Variants in TRIM74 observed in about 807,000 individuals in gnomAD.
TRIM74 encodes tripartite motif-containing protein 74.
A neutral mutation model predicts 14.5 loss-of-function variants in TRIM74; 3 were observed. That is an observed-to-expected ratio of 0.21 (90% CI 0.09 to 0.53). TRIM74 has a LOEUF of 0.53. TRIM74 is among the 20% of genes least tolerant of loss of function. The pLI is 0.95. For missense variants in TRIM74, 26 were observed against 174.0 expected, an observed-to-expected ratio of 0.15 and a Z score of 4.79; for synonymous variants, 10 against 71.3, an observed-to-expected ratio of 0.14 and a Z score of 4.33.
At chr7:72,962,701 A>G (rs1251401196) in intron 2 of TRIM74, among the ~76,000 whole-genome samples, 9 of 138,320 alleles carry the variant, frequency 6.5e-5, no homozygotes, top group South Asian at 4.7e-4. Context: ...AAAAAAAAAG[A>G]GAATATTCTG....
chr7:72,960,051 G>A lies in TRIM74; in HGVS notation c.696C>T (p.Phe232=), dbSNP rs375247896. 15 of 1,611,464 alleles carry A rather than the reference G, an allele frequency of 9.3e-6. No homozygotes were observed. Among genetic ancestry groups the A allele is most frequent in the Admixed American group, 1.7e-5 (1 of 59,870 alleles). The change falls in exon 4 of 5, where the codon TTC becomes TTT. Residue 232 remains phenylalanine, a synonymous_variant. Transcript: ENST00000285805. ...TGAACTCATGGTGGTCCTCATTTCC[G>A]AACTGTTCCAGCACACACTCGGCTT... ...LAQAECVLEQ[F]GNEDHHEFIW...
At chr7:72,957,215 T>TC (rs1255192613), downstream of TRIM74, among the ~76,000 whole-genome samples, 16 of 149,438 alleles carry the variant, frequency 1.1e-4, no homozygotes, top group Admixed American at 1.1e-3. Flanking sequence ...AATGATGCGG[T>TC]CACAGGCCAG....
At chr7:72,966,820 G>A (rs782163835) in intron 1 of TRIM74, 2 of 97,670 alleles carry the variant, frequency 2.0e-5, no homozygotes, top group African/African-American at 3.9e-5. Flanking sequence ...GCGAGAGCCC[G>A]ACATTGGAAT....
intron 2 of TRIM74, among the ~76,000 whole-genome samples, chr7:72,962,392 A>G (rs1360837612): frequency 6.9e-4 from 3 of 4,318 alleles, no homozygotes; most frequent in Middle Eastern, 0.036. Context: ...TTCTTCAAAG[A>G]ATATTCTGGG....
chr7:72,969,433 C>T lies in TRIM74; in HGVS notation c.-167G>A. ...CCCCGCACGCTCTGGTTACATGCCC[C>T]GCCTGGCGCTCCCGCACATGCCCCA... On this transcript the variant is annotated 5_prime_UTR_variant, in exon 1 of 5. Coordinates refer to ENST00000285805, the MANE Select transcript of TRIM74 (RefSeq NM_198853.3). 3 of 574,836 alleles carry T rather than the reference C, an allele frequency of 5.2e-6. No individual in the cohort carries two copies. The highest frequency in any genetic ancestry group is 6.2e-6 in the Non-Finnish European group (2 of 324,310). The allele number at this position is 574,836 out of a possible 1,614,324, so 35.6% of individuals were successfully genotyped here.
downstream of TRIM74, chr7:72,955,111 ATTT>A (rs59028605): frequency 2.4e-4 from 27 of 112,998 alleles, no homozygotes; most frequent in African/African-American, 5.8e-4. Context: ...ATATATATAT[ATTT>A]TTTTTTTTTT....
At chr7:72,955,085 GTGTA>G, downstream of TRIM74, 1 of 422,506 alleles carries the variant, frequency 2.4e-6, no homozygotes, top group Non-Finnish European at 4.2e-6. Context: ...GTGTGTATGT[GTGTA>G]TATATATATA....
At chr7:72,956,275 C>CGGA, downstream of TRIM74, among the ~76,000 whole-genome samples, 1 of 103,912 alleles carries the variant, frequency 9.6e-6, no homozygotes, top group South Asian at 4.0e-4. Flanking sequence ...ACCTGGGAGG[C>CGGA]GGAGGTTGCA....
At chr7:72,955,158 G>T, downstream of TRIM74, among the ~76,000 whole-genome samples, 1 of 120,008 alleles carries the variant, frequency 8.3e-6, no homozygotes, top group African/African-American at 3.4e-5. Context: ...GCGCAGTGTC[G>T]CGATCTTGGC....
chr7:72,967,450 C>T (rs1419631078), intron 1 of TRIM74, among the ~76,000 whole-genome samples: 2 of 151,818 alleles, frequency 1.3e-5, no homozygotes, highest in East Asian at 1.9e-4. Context: ...TTGTAGATAC[C>T]GGGTCTTGCT....
chr7:72,955,107 A>ATATG (rs1798067307), downstream of TRIM74: 2 of 130,096 alleles, frequency 1.5e-5, no homozygotes, highest in Non-Finnish European at 2.9e-5. Flanking sequence ...ATATATATAT[A>ATATG]TATATTTTTT....
chr7:72,957,306 G>A (rs1158280798), downstream of TRIM74, among the ~76,000 whole-genome samples: 1 of 150,302 alleles, frequency 6.7e-6, no homozygotes, highest in Non-Finnish European at 1.5e-5. Context: ...CAGAGGGAGC[G>A]CGGCCTTGCC....
At chr7:72,962,668 G>A (rs1231040351) in intron 2 of TRIM74, among the ~76,000 whole-genome samples, 1 of 115,728 alleles carries the variant, frequency 8.6e-6, no homozygotes, top group Non-Finnish European at 1.8e-5. Context: ...GCGACAGAGC[G>A]AGACTCCGTC....
At chr7:72,963,684 A>T (rs1798224717) in intron 2 of TRIM74, among the ~76,000 whole-genome samples, 1 of 145,066 alleles carries the variant, frequency 6.9e-6, no homozygotes, top group Admixed American at 6.9e-5. Flanking sequence ...CAGCCTGGAC[A>T]AAATAGTGAG....
rs782505431 is a variant in TRIM74, at chr7:72,960,119, T to C, written c.628A>G (p.Met210Val). ...GTTCCCTGGGCCTGCTCCAGCTGCATGTCCAGGGAGGCCACCAGGCCACGG... is the reference window on the plus strand; with the variant it reads ...GTTCCCTGGGCCTGCTCCAGCTGCACGTCCAGGGAGGCCACCAGGCCACGG... The part of the protein sequence containing the change: ...HTRGLVASLD[M>V]QLEQAQGTRE... Residue 210 changes from methionine to valine, a missense_variant, in exon 4 of 5, where the codon ATG becomes GTG. By Grantham distance (21) the Met-to-Val change is conservative. Transcript: ENST00000285805. 1 of 1,603,612 alleles carries C rather than the reference T, an allele frequency of 6.2e-7. No homozygotes were observed.
intron 1 of TRIM74, among the ~76,000 whole-genome samples, 160 bp downstream of exon 1, chr7:72,969,124 AC>A (rs1310584725): frequency 6.7e-6 from 1 of 148,922 alleles, no homozygotes; most frequent in Non-Finnish European, 1.5e-5. Context: ...CCTGTCACTC[AC>A]GTGTTCCAAA....
chr7:72,967,246 T>A (rs1228086248), intron 1 of TRIM74, among the ~76,000 whole-genome samples: 1 of 100,856 alleles, frequency 9.9e-6, no homozygotes, highest in African/African-American at 5.2e-5. Context: ...TATCCTTTTT[T>A]GGGGGGGGTG....
chr7:72,954,955 A>G, downstream of TRIM74: 2 of 598,368 alleles, frequency 3.3e-6, no homozygotes, highest in South Asian at 3.5e-5. Flanking sequence ...CCAGTTCTTC[A>G]GTCTTTGTCA....
downstream of TRIM74, among the ~76,000 whole-genome samples, chr7:72,955,570 C>T (rs1358249689): frequency 2.7e-5 from 4 of 150,656 alleles, no homozygotes; most frequent in African/African-American, 9.9e-5. Flanking sequence ...ACATTAGTCC[C>T]AGAGCCAAGC....
Sources: allele counts gnomAD v4.1 joint callset (sites outside exome capture counted in the v4.1 genomes callset), GRCh38; gene constraint gnomAD v4.1.1; transcripts MANE v1.5; gene names NCBI Gene and HGNC (gene_info 2026-07-23, HGNC 2026-07-21).